GALNT17: variants seen among roughly 807,000 people sequenced by gnomAD.
The protein encoded by GALNT17 is polypeptide N-acetylgalactosaminyltransferase 17.
In GALNT17, 29 loss-of-function variants were observed where a neutral mutation model predicts 63.7. That is an observed-to-expected ratio of 0.46 (90% confidence interval 0.34 to 0.62). The LOEUF (loss-of-function observed/expected upper bound fraction) is 0.62. Among genes scored for constraint, GALNT17 ranks in the 20% least tolerant of loss-of-function variants. The probability of loss-of-function intolerance (pLI) is 0.01; values close to 1 mark genes in which losing one functional copy is unlikely to be tolerated. For synonymous variants in GALNT17, 305 were observed against 318.3 expected (o/e 0.96, Z 0.45); for missense variants, 603 against 799.6 (o/e 0.75, Z 2.97).
At chr7:71,341,675 A>G (rs1583874961) in intron 2 of GALNT17, among the ~76,000 whole-genome samples, 1 of 152,206 alleles carries the variant, frequency 6.6e-6, no homozygotes, top group African/African-American at 2.4e-5. Context: ...AACTCTTAAC[A>G]GTCATCTATA....
intron 1 of GALNT17, among the ~76,000 whole-genome samples, chr7:71,283,202 TA>T (rs879827582): frequency 1.3e-5 from 2 of 150,236 alleles, no homozygotes; most frequent in African/African-American, 4.9e-5. Flanking sequence ...CCTGGCTAAT[TA>T]AAAAAAAAAT....
chr7:71,387,453 G>A (rs1170397111), intron 2 of GALNT17, among the ~76,000 whole-genome samples: 1 of 151,780 alleles, frequency 6.6e-6, no homozygotes, highest in Non-Finnish European at 1.5e-5. Context: ...AGCCTCCCAA[G>A]TAGCTGTGAA....
chr7:71,510,149 A>G (rs1212549753), intron 5 of GALNT17, among the ~76,000 whole-genome samples: 2 of 151,938 alleles, frequency 1.3e-5, no homozygotes, highest in South Asian at 2.1e-4. Context: ...GCCTTGCTCT[A>G]TTGCCCAGGC....
chr7:71,686,334 A>G (rs1004748084), intron 9 of GALNT17, among the ~76,000 whole-genome samples: 2 of 151,954 alleles, frequency 1.3e-5, no homozygotes, highest in African/African-American at 4.8e-5. Flanking sequence ...ATCAAGATAC[A>G]GAGCAGTTCA....
intron 1 of GALNT17, among the ~76,000 whole-genome samples, chr7:71,187,286 C>T (rs10276502): frequency 0.2 from 24,631 of 123,140 alleles, 4,231 homozygotes; most frequent in African/African-American, 0.55. Context: ...ATTTTTCTTT[C>T]TTTTTTTTTT....
intron 1 of GALNT17, among the ~76,000 whole-genome samples, chr7:71,248,414 A>G (rs1371880117): frequency 1.3e-5 from 2 of 152,166 alleles, no homozygotes; most frequent in African/African-American, 2.4e-5. Flanking sequence ...GCAGAAGAAA[A>G]TCCATGTATA....
chr7:71,309,665 T>C (rs1347333811), intron 1 of GALNT17, among the ~76,000 whole-genome samples: 1 of 152,196 alleles, frequency 6.6e-6, no homozygotes, highest in Non-Finnish European at 1.5e-5. Flanking sequence ...GAATATAGGA[T>C]ATTATAATGA....
intron 6 of GALNT17, among the ~76,000 whole-genome samples, chr7:71,590,972 G>A (rs1466115218): frequency 1.3e-5 from 2 of 152,186 alleles, no homozygotes; most frequent in African/African-American, 4.8e-5. Context: ...TATTGGCCAG[G>A]CTGGTCTCGA....
At chr7:71,580,523 T>C (rs1789621333) in intron 6 of GALNT17, among the ~76,000 whole-genome samples, 1 of 152,204 alleles carries the variant, frequency 6.6e-6, no homozygotes. Flanking sequence ...ATTAGACTTT[T>C]CTTTTTACTA....
At chr7:71,151,827 G>A (rs7777592) in intron 1 of GALNT17, among the ~76,000 whole-genome samples, 50,754 of 151,820 alleles carry the variant, frequency 0.33, 8,870 homozygotes, top group Middle Eastern at 0.37. Context: ...TACAGTTTCT[G>A]CTGAAAGGAA....
chr7:71,704,561 C>T (rs1401995496), intron 9 of GALNT17, among the ~76,000 whole-genome samples: 1 of 149,614 alleles, frequency 6.7e-6, no homozygotes, highest in Non-Finnish European at 1.5e-5. Context: ...CACAAAATAG[C>T]CAGAACAGTA....
At chr7:71,645,196 CT>C (rs1459646605) in intron 6 of GALNT17, among the ~76,000 whole-genome samples, 1 of 152,216 alleles carries the variant, frequency 6.6e-6, no homozygotes, top group Non-Finnish European at 1.5e-5. Context: ...CTGACACCAA[CT>C]TTCTCCAGGT....
chr7:71,531,157 G>A (rs941494444), intron 5 of GALNT17, among the ~76,000 whole-genome samples: 1 of 151,880 alleles, frequency 6.6e-6, no homozygotes, highest in Admixed American at 6.6e-5. Flanking sequence ...AAATTAATGG[G>A]TTTGAAGATA....
intron 1 of GALNT17, among the ~76,000 whole-genome samples, chr7:71,222,927 G>A (rs12666487): frequency 0.31 from 47,404 of 151,874 alleles, 8,921 homozygotes; most frequent in South Asian, 0.53. Context: ...CCCAAAATTA[G>A]CTGGTCACCG....
chr7:71,229,850 C>G (rs1313697315), intron 1 of GALNT17, among the ~76,000 whole-genome samples: 2 of 152,214 alleles, frequency 1.3e-5, no homozygotes, highest in African/African-American at 4.8e-5. Context: ...TCACTTGGGT[C>G]ACCTCCGTGG....
At chr7:71,343,332 A>T (rs1471685908) in intron 2 of GALNT17, among the ~76,000 whole-genome samples, 1 of 152,230 alleles carries the variant, frequency 6.6e-6, no homozygotes, top group African/African-American at 2.4e-5. Flanking sequence ...AAGTAGGCTA[A>T]TTTCATTGCA....
intron 6 of GALNT17, among the ~76,000 whole-genome samples, chr7:71,628,297 TATTGA>T (rs1214357013): frequency 1.3e-5 from 2 of 152,206 alleles, no homozygotes; most frequent in African/African-American, 2.4e-5. Context: ...AAATTTGCTC[TATTGA>T]ATTGCTAGAA....
chr7:71,182,147 C>T (rs1788747107), intron 1 of GALNT17, among the ~76,000 whole-genome samples: 1 of 152,110 alleles, frequency 6.6e-6, no homozygotes, highest in Non-Finnish European at 1.5e-5. Context: ...TGCACTCCAG[C>T]CTGGGCATCA....
At chr7:71,494,687 G>A (rs1178720691) in intron 5 of GALNT17, among the ~76,000 whole-genome samples, 1 of 152,092 alleles carries the variant, frequency 6.6e-6, no homozygotes, top group Non-Finnish European at 1.5e-5. Flanking sequence ...GCAGAGAGAA[G>A]CTGTATTAGT....
Sources: gnomAD v4.1 joint callset for allele counts (sites outside exome capture counted in the v4.1 genomes callset) on GRCh38, gnomAD v4.1.1 for gene constraint, MANE v1.5 for transcripts, NCBI Gene and HGNC (gene_info 2026-07-23, HGNC 2026-07-21) for gene names.